The following PALM2AKAP2 variants were observed in gnomAD, a reference collection of about 807,000 sequenced individuals.
PALM2AKAP2 encodes PALM2-AKAP2 fusion protein.
A neutral mutation model predicts 71.5 loss-of-function variants in PALM2AKAP2; 37 were observed. The ratio of observed to expected loss-of-function variants is 0.52; its 90% CI spans 0.40 to 0.68. The LOEUF (loss-of-function observed/expected upper bound fraction) is 0.68. PALM2AKAP2 is among the 30% of genes least tolerant of loss of function. The pLI is 0.00. For synonymous variants in PALM2AKAP2, 468 were observed against 478.8 expected (o/e 0.98, Z 0.29); for missense variants, 1,224 against 1,191.8 (o/e 1.03, Z -0.40).
intron 7 of PALM2AKAP2, among the ~76,000 whole-genome samples, chr9:110,023,305 C>CTTTTCTTTTTT (rs1371633641): frequency 4.1e-5 from 3 of 74,038 alleles, no homozygotes; most frequent in Admixed American, 1.9e-4. Flanking sequence ...ATTGTGGTTT[C>CTTTTCTTTTTT]TTTTTTTTTT....
intron 2 of PALM2AKAP2, among the ~76,000 whole-genome samples, chr9:109,873,834 G>A (rs775658210): frequency 2.8e-4 from 42 of 152,002 alleles, no homozygotes; most frequent in African/African-American, 8.7e-4. Flanking sequence ...ACTCTTCACC[G>A]GGGTCACCTC....
At chr9:109,909,160 A>G (rs1191138956) in intron 3 of PALM2AKAP2, among the ~76,000 whole-genome samples, 1 of 149,374 alleles carries the variant, frequency 6.7e-6, no homozygotes, top group Non-Finnish European at 1.5e-5. Context: ...ACACGCGCGC[A>G]CGCACACACA....
Position 110,136,248 on chromosome 9 carries a change from A to G in PALM2AKAP2, c.278A>G (p.Glu93Gly), listed in dbSNP as rs150521379. Residue 93 changes from glutamate (E) to glycine (G), a missense_variant, in exon 2 of 4, where the codon GAG becomes GGG. Physicochemically the swap from Glu to Gly is moderately conservative, Grantham distance 98. Coordinates refer to ENST00000374525, the Ensembl canonical transcript of PALM2AKAP2. ...CCAGATCACAAAAACATGGAAATTG[A>G]GGTGTCTGTTGCAGAATGTAAAAGT... 1.1e-4 allele frequency: 174 copies of G among 1,614,032 alleles called. No individual in the cohort carries two copies. Among genetic ancestry groups the G allele is most frequent in the Non-Finnish European group, 1.4e-4 (164 of 1,180,032 alleles).
intron 1 of PALM2AKAP2, among the ~76,000 whole-genome samples, chr9:109,845,526 G>T (rs1297938548): frequency 6.6e-6 from 1 of 152,178 alleles, no homozygotes; most frequent in Non-Finnish European, 1.5e-5. Context: ...AGTCTGTCCT[G>T]GGTGACCCTT....
intron 1 of PALM2AKAP2, among the ~76,000 whole-genome samples, chr9:109,854,757 A>ATTTTTTTTTTTTTTTTTTTTT (rs1314151781): frequency 7.7e-6 from 1 of 130,020 alleles, no homozygotes; most frequent in Non-Finnish European, 1.6e-5. Context: ...TTTTAAAAGA[A>ATTTTTTTTTTTTTTTTTTTTT]TGTATCTTTT....
chr9:109,733,348 T>C (rs1828584069), intron 1 of PALM2AKAP2, among the ~76,000 whole-genome samples: 1 of 152,190 alleles, frequency 6.6e-6, no homozygotes, highest in South Asian at 2.1e-4. Flanking sequence ...CTATCTCTGC[T>C]ACAGAATCTT....
chr9:109,929,875 AAAAAAAAAAAAAGAG>A (rs915266674), intron 5 of PALM2AKAP2, among the ~76,000 whole-genome samples: 2 of 122,324 alleles, frequency 1.6e-5, no homozygotes, highest in Non-Finnish European at 4.0e-5. Flanking sequence ...AAAAAAAAAA[AAAAAAAAAAAAAGAG>A]AGAGAATCAT....
At chr9:109,948,760 A>C (rs1175210312) in intron 6 of PALM2AKAP2, among the ~76,000 whole-genome samples, 1 of 152,248 alleles carries the variant, frequency 6.6e-6, no homozygotes, top group East Asian at 1.9e-4. Flanking sequence ...GAGTGAAAGA[A>C]TAGAAATACA....
chr9:109,932,695 G>A (rs1349646456), intron 6 of PALM2AKAP2, among the ~76,000 whole-genome samples: 1 of 152,188 alleles, frequency 6.6e-6, no homozygotes, highest in Admixed American at 6.5e-5. Flanking sequence ...CTGGAAGGAT[G>A]CAAGCAATAA....
At chr9:109,861,842 A>T (rs1456159101) in intron 1 of PALM2AKAP2, among the ~76,000 whole-genome samples, 7 of 152,336 alleles carry the variant, frequency 4.6e-5, no homozygotes, top group Admixed American at 1.3e-4. Flanking sequence ...ATGTGTTTTT[A>T]ATAATGTATT....
At chr9:109,808,644 T>A (rs1247238765) in intron 1 of PALM2AKAP2, among the ~76,000 whole-genome samples, 3 of 152,226 alleles carry the variant, frequency 2.0e-5, no homozygotes, top group Admixed American at 6.5e-5. Flanking sequence ...TGAAGAGAAA[T>A]TCAAGCCAGC....
At chr9:110,077,404 C>T (rs923012787) in intron 1 of PALM2AKAP2, among the ~76,000 whole-genome samples, 1 of 152,178 alleles carries the variant, frequency 6.6e-6, no homozygotes, top group Non-Finnish European at 1.5e-5. Flanking sequence ...GAGCAAAACA[C>T]TTTAACATCT....
chr9:109,828,606 A>T (rs1378798939), intron 1 of PALM2AKAP2, among the ~76,000 whole-genome samples: 1 of 152,240 alleles, frequency 6.6e-6, no homozygotes, highest in East Asian at 1.9e-4. Context: ...ATAGTCATAC[A>T]ATAATTCTAT....
chr9:110,010,259 T>C (rs1413829600), intron 6 of PALM2AKAP2, among the ~76,000 whole-genome samples: 1 of 151,930 alleles, frequency 6.6e-6, no homozygotes, highest in Non-Finnish European at 1.5e-5. Context: ...GGAATAAAGA[T>C]TGTAGTAATG....
At chr9:109,672,659 G>A (rs1827591623) in intron 1 of PALM2AKAP2, among the ~76,000 whole-genome samples, 1 of 152,004 alleles carries the variant, frequency 6.6e-6, no homozygotes, top group African/African-American at 2.4e-5. Flanking sequence ...TCATTTTTTG[G>A]GAATAGTTTT....
At chr9:109,768,700 A>G (rs1829203031) in intron 1 of PALM2AKAP2, among the ~76,000 whole-genome samples, 1 of 152,238 alleles carries the variant, frequency 6.6e-6, no homozygotes, top group Admixed American at 6.5e-5. Flanking sequence ...CAGTTACCTC[A>G]TCTGTAAAAT....
Position 109,666,488 on chromosome 9 carries a change from A to G in PALM2AKAP2, c.5+25622A>G, listed in dbSNP as rs73657035. Among the ~76,000 whole-genome samples, 1,295 of 152,272 alleles carry G rather than the reference A, an allele frequency of 8.5e-3. 32 individuals are homozygous for G. Among genetic ancestry groups the G allele is most frequent in the African/African-American group, 0.03 (1,232 of 41,566 alleles). ...GGTGAATGAATGAAAATGCTCTTAT[A>G]CTGTTATTTTACACAGAAACCAGAG... On this transcript the variant is annotated intron_variant, in intron 1 of 6. Coordinates refer to the PALM2AKAP2 transcript ENST00000374531.
At chr9:109,666,653 C>G (rs965464300) in intron 1 of PALM2AKAP2, among the ~76,000 whole-genome samples, 1 of 152,220 alleles carries the variant, frequency 6.6e-6, no homozygotes, top group African/African-American at 2.4e-5. Context: ...CTCCCACTTG[C>G]AATTTGGATT....
intron 1 of PALM2AKAP2, among the ~76,000 whole-genome samples, chr9:109,674,302 A>G (rs1299273017): frequency 6.6e-6 from 1 of 151,914 alleles, no homozygotes; most frequent in Non-Finnish European, 1.5e-5. Context: ...TGCTAATTTC[A>G]ATATCTGAGT....
Sources: gnomAD v4.1 joint callset for allele counts (sites outside exome capture counted in the v4.1 genomes callset) on GRCh38, gnomAD v4.1.1 for gene constraint, MANE v1.5 for transcripts, NCBI Gene and HGNC (gene_info 2026-07-23, HGNC 2026-07-21) for gene names.